ADD1: variants seen among roughly 807,000 people sequenced by gnomAD.
ADD1 encodes the protein alpha-adducin.
ADD1 carries 24 observed loss-of-function variants against 80.5 expected under a neutral mutation model. The observed-to-expected ratio is 0.30, with a 90% confidence interval of 0.22 to 0.42. The LOEUF is 0.42. Among genes scored for constraint, ADD1 ranks in the 10% least tolerant of loss-of-function variants. ADD1 has a pLI of 1.00. For synonymous variants in ADD1, 373 were observed against 393.8 expected, an observed-to-expected ratio of 0.95 and a Z score of 0.63; for missense variants, 948 against 1,019.0, an observed-to-expected ratio of 0.93 and a Z score of 0.95.
At chr4:2,917,254 G>C (rs1305353163) in intron 14 of ADD1, among the ~76,000 whole-genome samples, 3 of 152,148 alleles carry the variant, frequency 2.0e-5, no homozygotes, top group African/African-American at 7.2e-5. Flanking sequence ...GTATCTCATT[G>C]TGGTTTTGAT....
At chr4:2,889,913 C>G (rs985702905) in intron 4 of ADD1, among the ~76,000 whole-genome samples, 4 of 152,160 alleles carry the variant, frequency 2.6e-5, no homozygotes, top group Non-Finnish European at 5.9e-5. Flanking sequence ...AAATTAATAT[C>G]TGGAGCTGGG....
chr4:2,877,967 CA>C (rs577637797), intron 2 of ADD1, among the ~76,000 whole-genome samples: 4 of 149,440 alleles, frequency 2.7e-5, no homozygotes, highest in East Asian at 1.9e-4. Context: ...ACCCTGTCTC[CA>C]AAAAAAAAGG....
intron 1 of ADD1, among the ~76,000 whole-genome samples, chr4:2,852,447 G>A (rs1006458814): frequency 2.0e-5 from 3 of 148,134 alleles, no homozygotes; most frequent in South Asian, 2.1e-4. Flanking sequence ...GTGCCCCAGC[G>A]TACTGAGTAG....
chr4:2,875,568 T>TA (rs1441568710), intron 1 of ADD1, among the ~76,000 whole-genome samples: 1 of 152,252 alleles, frequency 6.6e-6, no homozygotes, highest in Non-Finnish European at 1.5e-5. Context: ...ATCATGTCTG[T>TA]AAAGAATCAC....
intron 4 of ADD1, among the ~76,000 whole-genome samples, chr4:2,889,754 A>G (rs895072822): frequency 9.2e-5 from 14 of 152,150 alleles, no homozygotes; most frequent in African/African-American, 2.7e-4. Flanking sequence ...CCCTAGAGGC[A>G]GAGGTTGCAG....
chr4:2,875,558 A>C (rs985501248), intron 1 of ADD1, among the ~76,000 whole-genome samples: 10 of 152,226 alleles, frequency 6.6e-5, no homozygotes, highest in Non-Finnish European at 1.3e-4. Flanking sequence ...TGTGGAACAA[A>C]TCATGTCTGT....
At chr4:2,907,498 G>C (rs1343469814) in intron 10 of ADD1, 2 of 405,652 alleles carry the variant, frequency 4.9e-6, no homozygotes, top group Non-Finnish European at 9.3e-6. Context: ...GATTCAGCTG[G>C]GCTTTCCAGA....
chr4:2,867,774 G>C (rs953572248), intron 1 of ADD1: 1 of 152,222 alleles, frequency 6.6e-6, no homozygotes, highest in African/African-American at 2.4e-5. Context: ...TCTAATTGGA[G>C]CTGTTTTGAG....
At chr4:2,914,011 AT>A (rs1738527452) in intron 13 of ADD1, among the ~76,000 whole-genome samples, 1 of 149,760 alleles carries the variant, frequency 6.7e-6, no homozygotes. Flanking sequence ...GCGAGCCGAG[AT>A]TGCGCCACTA....
At chr4:2,889,899 A>G (rs533962106) in intron 4 of ADD1, among the ~76,000 whole-genome samples, 1 of 152,254 alleles carries the variant, frequency 6.6e-6, no homozygotes, top group East Asian at 1.9e-4. Flanking sequence ...CATGTAGCCA[A>G]TAGAAATTAA....
intron 6 of ADD1, among the ~76,000 whole-genome samples, chr4:2,896,507 C>G (rs7699427): frequency 0.01 from 1,574 of 152,224 alleles, 27 homozygotes; most frequent in African/African-American, 0.037. Context: ...CCACGTCCGA[C>G]CTGATATTGA....
intron 4 of ADD1, among the ~76,000 whole-genome samples, chr4:2,889,252 A>G (rs989919936): frequency 6.6e-6 from 1 of 152,212 alleles, no homozygotes. Context: ...GGACTTGGCA[A>G]TGATGGCTGC....
At chr4:2,902,184 T>A (rs1361735622) in intron 9 of ADD1, 1 of 152,252 alleles carries the variant, frequency 6.6e-6, no homozygotes, top group Admixed American at 6.5e-5. Context: ...TAAAATGATG[T>A]TGATGAGTCC....
At chr4:2,924,658 A>G (rs972541541) in intron 14 of ADD1, among the ~76,000 whole-genome samples, 3 of 152,148 alleles carry the variant, frequency 2.0e-5, no homozygotes, top group Non-Finnish European at 4.4e-5. Context: ...TGCATTACGT[A>G]GTTGTGACTG....
At chr4:2,903,644 T>G (rs1469192148) in intron 9 of ADD1, among the ~76,000 whole-genome samples, 2 of 152,238 alleles carry the variant, frequency 1.3e-5, no homozygotes, top group African/African-American at 4.8e-5. Flanking sequence ...TCTTCTGTGA[T>G]ACAGCCCATC....
chr4:2,850,448 C>A (rs540187550), intron 1 of ADD1, among the ~76,000 whole-genome samples: 2 of 150,778 alleles, frequency 1.3e-5, no homozygotes, highest in South Asian at 4.2e-4. Context: ...TTTTCTGAGA[C>A]GGTGTCTTGC....
chr4:2,909,543 G>A (rs1379602679), intron 13 of ADD1, 112 bp downstream of exon 13: 9 of 744,784 alleles, frequency 1.2e-5, no homozygotes, highest in Non-Finnish European at 1.8e-5. Context: ...AGCTTCAAAT[G>A]GATCTTTAAC....
intron 1 of ADD1, among the ~76,000 whole-genome samples, chr4:2,871,470 G>A (rs1730445754): frequency 6.6e-6 from 1 of 152,192 alleles, no homozygotes; most frequent in Non-Finnish European, 1.5e-5. Context: ...TTTTTAAAAA[G>A]GGATGTTAAG....
intron 9 of ADD1, chr4:2,902,449 A>C (rs1736342181): frequency 6.6e-6 from 1 of 152,210 alleles, no homozygotes; most frequent in African/African-American, 2.4e-5. Flanking sequence ...CCTTTTTAAA[A>C]AAATGTAGGC....
Sources: gnomAD v4.1 joint callset for allele counts (sites outside exome capture counted in the v4.1 genomes callset) on GRCh38, gnomAD v4.1.1 for gene constraint, MANE v1.5 for transcripts, NCBI Gene and HGNC (gene_info 2026-07-23, HGNC 2026-07-21) for gene names.